Variants in ARL6IP6 observed in about 807,000 individuals in gnomAD.
The protein encoded by ARL6IP6 is ARF like GTPase 6 interacting protein 6, also known as ADP-ribosylation factor-like protein 6-interacting protein 6.
A neutral mutation model predicts 21.5 loss-of-function variants in ARL6IP6; 22 were observed. The observed-to-expected ratio is 1.02, with a 90% CI of 0.73 to 1.46. The LOEUF (loss-of-function observed/expected upper bound fraction) is 1.46, where lower values mean the gene tolerates loss of function less well. ARL6IP6 is among the 40% of genes most tolerant of loss of function. ARL6IP6 has a pLI of 0.00. For missense variants in ARL6IP6, 388 were observed against 299.8 expected (o/e 1.29, Z -2.17); for synonymous variants, 164 against 125.3 (o/e 1.31, Z -2.06).
At position 152,736,996 on chromosome 2, in the gene ARL6IP6, A is replaced by T. The variant is rs1281252809; in HGVS notation, c.587+1870A>T. Among the ~76,000 whole-genome samples the T allele has an allele frequency of 2.0e-5, 3 of 152,142 alleles. No individual in the cohort carries two copies. In the East Asian group the frequency reaches 5.8e-4, roughly 29 times the overall value. ...CAACTGAACTGCTGTCTTTCCATTA[A>T]CAAAAAGAGATACAGTCACAGCCCT... On this transcript the variant is annotated intron_variant, in intron 3 of 3. Transcript: ENST00000326446.
chr2:152,760,797 T>G lies in ARL6IP6; in HGVS notation c.*957T>G, dbSNP rs1219395539. 1 of 152,034 alleles carries G rather than the reference T, an allele frequency of 6.6e-6. No individual in the cohort carries two copies. Among genetic ancestry groups the G allele is most frequent in the African/African-American group, 2.4e-5 (1 of 41,442 alleles). The allele number at this position is 152,034 out of a possible 1,614,324, so 9.4% of individuals were successfully genotyped here. ...TGTGAGAATGATTGAACTAGTTTGT[T>G]CTTAATCTCAAAAATTTAGTTACCA... On this transcript the variant is annotated 3_prime_UTR_variant, in exon 4 of 4. Transcript: ENST00000326446.
At chr2:152,747,539 A>G (rs759285497) in intron 3 of ARL6IP6, among the ~76,000 whole-genome samples, 12 of 150,878 alleles carry the variant, frequency 8.0e-5, no homozygotes, top group Non-Finnish European at 1.6e-4. Context: ...CTTCGAAGGC[A>G]GTACTGACTC....
intron 2 of ARL6IP6, among the ~76,000 whole-genome samples, chr2:152,733,813 A>C (rs552163179): frequency 6.6e-6 from 1 of 152,302 alleles, no homozygotes; most frequent in South Asian, 2.1e-4. Flanking sequence ...ATTTACTTAC[A>C]TGTTTTATTA....
intron 3 of ARL6IP6, among the ~76,000 whole-genome samples, chr2:152,748,186 A>AT (rs1283354332): frequency 2.6e-5 from 4 of 152,234 alleles, no homozygotes; most frequent in Non-Finnish European, 5.9e-5. Context: ...TTAGGGAAGC[A>AT]TTCTCTTTAA....
chr2:152,733,161 T>A (rs919646987), intron 2 of ARL6IP6, among the ~76,000 whole-genome samples: 1 of 152,236 alleles, frequency 6.6e-6, no homozygotes, highest in Non-Finnish European at 1.5e-5. Flanking sequence ...TGGATCTAAC[T>A]TCTTTTCCTT....
Position 152,742,570 on chromosome 2 carries a change from T to TAAAAA in ARL6IP6, c.587+7463_587+7467dup, listed in dbSNP as rs71396304. On this transcript the variant is annotated intron_variant, in intron 3 of 3. Coordinates refer to ENST00000326446, the MANE Select transcript of ARL6IP6 (RefSeq NM_152522.7). ...CAGTGACAGAGCAAGATACGCTCTT[T>TAAAAA]AAAAAAAAAAAAAAAAAAAAAAAGA... is the stretch of plus-strand genomic sequence containing the variant. Among the ~76,000 whole-genome samples the TAAAAA allele has an allele frequency of 9.2e-3, 1,072 of 115,930 alleles. 7 individuals carry two copies. The highest frequency in any genetic ancestry group is 0.014 in the Non-Finnish European group (783 of 57,020). The allele number at this position is 115,930 out of a possible 152,430, so 76.1% of individuals were successfully genotyped here.
intron 3 of ARL6IP6, among the ~76,000 whole-genome samples, chr2:152,741,704 A>G (rs1700815965): frequency 1.3e-5 from 2 of 152,206 alleles, no homozygotes; most frequent in Admixed American, 1.3e-4. Context: ...CAAGATGTTT[A>G]GGAAATACAA....
chr2:152,755,099 T>C (rs539604829), intron 3 of ARL6IP6, among the ~76,000 whole-genome samples: 2 of 152,264 alleles, frequency 1.3e-5, no homozygotes, highest in Non-Finnish European at 2.9e-5. Context: ...CATACAGAGA[T>C]AGGAGCTGAG....
At chr2:152,748,299 TATA>T (rs1343627121) in intron 3 of ARL6IP6, among the ~76,000 whole-genome samples, 1 of 152,232 alleles carries the variant, frequency 6.6e-6, no homozygotes, top group Non-Finnish European at 1.5e-5. Context: ...GACAAAAGGA[TATA>T]ATAAAGTTAA....
At chr2:152,757,301 G>T (rs894046166) in intron 3 of ARL6IP6, among the ~76,000 whole-genome samples, 2 of 152,128 alleles carry the variant, frequency 1.3e-5, no homozygotes, top group Non-Finnish European at 2.9e-5. Flanking sequence ...TATGTGGTTG[G>T]TGAGTATATG....
intron 2 of ARL6IP6, among the ~76,000 whole-genome samples, chr2:152,728,116 T>TA (rs1700128986): frequency 6.6e-6 from 1 of 152,248 alleles, no homozygotes; most frequent in African/African-American, 2.4e-5. Flanking sequence ...GCAGCCTTGT[T>TA]AAAGTGCCTT....
intron 2 of ARL6IP6, among the ~76,000 whole-genome samples, chr2:152,723,800 TAAAA>T (rs55946135): frequency 6.6e-6 from 1 of 151,746 alleles, no homozygotes; most frequent in Non-Finnish European, 1.5e-5. Context: ...TTAGAAGTGT[TAAAA>T]AAAGTCCAAG....
chr2:152,755,858 C>G (rs1397093085), intron 3 of ARL6IP6, among the ~76,000 whole-genome samples: 1 of 152,236 alleles, frequency 6.6e-6, no homozygotes, highest in East Asian at 1.9e-4. Context: ...AGAAAACCCA[C>G]CGACCCTGTG....
intron 3 of ARL6IP6, among the ~76,000 whole-genome samples, chr2:152,754,518 G>A (rs1416830692): frequency 6.6e-6 from 1 of 152,108 alleles, no homozygotes; most frequent in Non-Finnish European, 1.5e-5. Flanking sequence ...GAATAATGTT[G>A]CTATGAACAC....
At chr2:152,746,201 A>AT (rs1701039610) in intron 3 of ARL6IP6, among the ~76,000 whole-genome samples, 2 of 151,658 alleles carry the variant, frequency 1.3e-5, no homozygotes, top group East Asian at 3.9e-4. Flanking sequence ...TAATTTTTGT[A>AT]TTTTTTATAG....
chr2:152,758,527 G>A (rs1215923365), intron 3 of ARL6IP6, among the ~76,000 whole-genome samples: 1 of 152,018 alleles, frequency 6.6e-6, no homozygotes. Context: ...CCTATTTTAC[G>A]ATGTAGATAG....
intron 3 of ARL6IP6, among the ~76,000 whole-genome samples, chr2:152,748,476 A>C (rs1392151115): frequency 6.6e-6 from 1 of 152,244 alleles, no homozygotes; most frequent in Non-Finnish European, 1.5e-5. Flanking sequence ...AAGCTTATAC[A>C]GCTTAAAAAC....
upstream of ARL6IP6, chr2:152,718,265 C>CT (rs1465212340): frequency 8.0e-5 from 22 of 276,054 alleles, no homozygotes; most frequent in Middle Eastern, 1.3e-3. Flanking sequence ...GGCTTTGGGG[C>CT]TGTCGGGGCG....
chr2:152,718,239 G>A (rs563113995), upstream of ARL6IP6: 3 of 334,648 alleles, frequency 9.0e-6, no homozygotes, highest in East Asian at 1.3e-4. Context: ...GCTAGGACCC[G>A]GCGTCGAAAA....
Sources: gnomAD v4.1 joint callset for allele counts (sites outside exome capture counted in the v4.1 genomes callset) on GRCh38, gnomAD v4.1.1 for gene constraint, MANE v1.5 for transcripts, NCBI Gene and HGNC (gene_info 2026-07-23, HGNC 2026-07-21) for gene names.